Variants in ALAS1 observed in about 807,000 individuals in gnomAD.
ALAS1 encodes the protein 5'-aminolevulinate synthase 1.
In ALAS1, 29 loss-of-function variants were observed where a neutral mutation model predicts 59.6. The ratio of observed to expected loss-of-function variants is 0.49; its 90% CI spans 0.36 to 0.66. The LOEUF (loss-of-function observed/expected upper bound fraction) is 0.66, where lower values mean the gene tolerates loss of function less well. Ranked by LOEUF, ALAS1 falls within the 30% of genes least tolerant of loss-of-function variation. The pLI is 0.00. For missense variants in ALAS1, 690 were observed against 807.5 expected (o/e 0.85, Z 1.76); for synonymous variants, 299 against 296.6 (o/e 1.01, Z -0.08).
In ALAS1 at chr3:52,199,303, A is replaced by G. The variant is rs757222865; in HGVS notation, c.62A>G (p.Lys21Arg). The change falls in exon 3 of 12, where the codon AAA becomes AGA. Residue 21 changes from lysine (K) to arginine (R), a missense_variant. Coordinates refer to ENST00000484952, the MANE Select transcript of ALAS1 (RefSeq NM_000688.6). The stretch of plus-strand genomic sequence containing the variant: ...CGAGTCCCCCAGGCCTTTCTGCAGA[A>G]AGCAGGCAAATCTCTGTTGTTCTAT... ...LSRVPQAFLQ[K>R]AGKSLLFYAQ... 3 of 1,614,206 alleles carry G rather than the reference A, an allele frequency of 1.9e-6. No individual in the cohort carries two copies. Among genetic ancestry groups the G allele is most frequent in the Middle Eastern group, 3.3e-4 (2 of 6,062 alleles).
At chr3:52,208,054 C>T (rs1699330321) in intron 8 of ALAS1, 29 bp from the exon 9 acceptor site, 1 of 1,504,606 alleles carries the variant, frequency 6.6e-7, no homozygotes, top group Non-Finnish European at 8.8e-7. Flanking sequence ...GGCAAAAGCT[C>T]TTCAGAGCAG....
chr3:52,198,278 C>T (rs1193678049), intron 1 of ALAS1, 23 bp downstream of exon 1: 3 of 403,784 alleles, frequency 7.4e-6, no homozygotes, highest in African/African-American at 4.1e-5. Flanking sequence ...GCGGTAGGTG[C>T]GGCGCCGGCC....
intron 7 of ALAS1, 50 bp downstream of exon 7, chr3:52,206,073 A>C (rs766493092): frequency 2.0e-6 from 3 of 1,477,010 alleles, no homozygotes; most frequent in Non-Finnish European, 2.8e-6. Context: ...TTTCTTAGTA[A>C]TAACAAGAAT....
In ALAS1 at chr3:52,205,995, C is replaced by T. The variant is rs754099976; in HGVS notation, c.957C>T (p.Thr319=). 2.5e-6 allele frequency: 4 copies of T among 1,612,354 alleles called. No homozygotes were observed. The highest frequency in any genetic ancestry group is 1.1e-5 in the South Asian group (1 of 90,810). The change falls in exon 7 of 12, where the codon ACC becomes ACT. Residue 319 remains threonine (T), a synonymous_variant. Coordinates refer to ENST00000484952, the MANE Select transcript of ALAS1 (RefSeq NM_000688.6). ...FSSCFVANDS[T]LFTLAKMMPG... is the part of the protein sequence containing the mutation. ...CGTGCTTTGTGGCCAATGACTCAACCCTCTTCACCCTGGCTAAGATGATGC... is the reference window on the plus strand; with the variant it reads ...CGTGCTTTGTGGCCAATGACTCAACTCTCTTCACCCTGGCTAAGATGATGC...
intron 3 of ALAS1, among the ~76,000 whole-genome samples, chr3:52,200,383 G>C (rs1211779413): frequency 6.6e-6 from 1 of 152,036 alleles, no homozygotes; most frequent in Non-Finnish European, 1.5e-5. Flanking sequence ...CTATGAATTT[G>C]ACTATTCTAG....
At chr3:52,206,445 C>A in intron 7 of ALAS1, 127 bp from the exon 8 acceptor site, 1 of 1,078,874 alleles carries the variant, frequency 9.3e-7, no homozygotes. Context: ...AAGAAACTGG[C>A]ACACAGTGTC....
At chr3:52,209,128 A>G (rs2107277946) in intron 9 of ALAS1, among the ~76,000 whole-genome samples, 1 of 152,352 alleles carries the variant, frequency 6.6e-6, no homozygotes, top group Middle Eastern at 3.4e-3. Flanking sequence ...AGACCCAGAA[A>G]GCCTGGGAGT....
rs181637424 is a variant in ALAS1, at chr3:52,208,043, C to T, written c.1166-40C>T. Reference sequence around the variant, plus strand: ...CTAACCAAAACAGAAATTTCTGAAGCGGCAAAAGCTCTTCAGAGCAGTCTC... The same window carrying T: ...CTAACCAAAACAGAAATTTCTGAAGTGGCAAAAGCTCTTCAGAGCAGTCTC... On this transcript the variant is annotated intron_variant, in intron 8 of 11. Transcript: ENST00000484952. 10,436 of 1,468,624 alleles carry T rather than the reference C, an allele frequency of 7.1e-3. 53 individuals carry two copies. The highest frequency in any genetic ancestry group is 8.0e-3 in the Non-Finnish European group (8,828 of 1,110,258). The allele number at this position is 1,468,624 out of a possible 1,614,324, so 91.0% of individuals were successfully genotyped here. A position where few individuals can be genotyped will look rare whatever the true frequency, so the allele number is the denominator to read the frequency against.
In ALAS1 at chr3:52,209,270, C is replaced by T. The variant is rs145807898; in HGVS notation, c.1330+1023C>T. ...TTGCCCAGGCTGGAGTGCAGTGGCG[C>T]GATCTCAGCTCACTGCAAGCTCCAC... On this transcript the variant is annotated intron_variant, in intron 9 of 11. Coordinates refer to ENST00000484952, the MANE Select transcript of ALAS1 (RefSeq NM_000688.6). Among the ~76,000 whole-genome samples, 8 of 152,140 alleles carry T rather than the reference C, an allele frequency of 5.3e-5. 1 individual carries two copies. The highest frequency in any genetic ancestry group is 4.2e-4 in the South Asian group (2 of 4,804).
At position 52,211,460 on chromosome 3, in the gene ALAS1, A is replaced by G. The variant is rs771527342; in HGVS notation, c.1508A>G (p.Gln503Arg). ...KSAEGRVLRR[Q>R]HQRNVKLMRQ... The stretch of plus-strand genomic sequence containing the variant: ...GCTGAGGGACGGGTGCTTCGCCGCC[A>G]GCACCAGCGCAACGTCAAACTCATG... Residue 503 changes from glutamine to arginine, a missense_variant, in exon 10 of 12, where the codon CAG becomes CGG. Physicochemically the swap from Gln to Arg is conservative, Grantham distance 43 (BLOSUM62 1). Coordinates refer to ENST00000484952, the MANE Select transcript of ALAS1 (RefSeq NM_000688.6). 6.2e-7 allele frequency: 1 copy of G among 1,614,244 alleles called. No individual in the cohort carries two copies. Among genetic ancestry groups the G allele is most frequent in the Non-Finnish European group, 8.5e-7 (1 of 1,180,046 alleles).
chr3:52,202,524 G>T lies in ALAS1; in HGVS notation c.217G>T (p.Ala73Ser). The T allele has an allele frequency of 6.2e-7, 1 of 1,613,366 alleles. No individual in the cohort carries two copies. Among genetic ancestry groups the T allele is most frequent in the Non-Finnish European group, 8.5e-7 (1 of 1,179,440 alleles). The part of the protein sequence containing the change: ...PASEKDKTAK[A>S]KVQQTPDGSQ... The stretch of plus-strand genomic sequence containing the variant: ...TCCCTCAGAAGACAAAACTGCTAAG[G>T]CCAAGGTCCAACAGACTCCTGATGG... The change falls in exon 4 of 12, where the codon GCC (alanine) becomes TCC (serine). Residue 73 changes from alanine (A) to serine (S), a missense_variant. Ala to Ser is a moderately conservative substitution (Grantham distance 99). Coordinates refer to ENST00000484952, the MANE Select transcript of ALAS1 (RefSeq NM_000688.6).
At chr3:52,198,368 C>T (rs1046760952) in intron 1 of ALAS1, 113 bp downstream of exon 1, 76 of 419,024 alleles carry the variant, frequency 1.8e-4, no homozygotes, top group Non-Finnish European at 2.9e-4. Context: ...GTCCCAGTCA[C>T]CCGCCGCCTT....
At position 52,202,558 on chromosome 3, in the gene ALAS1, A is replaced by G; in HGVS notation, c.251A>G (p.Gln84Arg). 6.2e-7 allele frequency: 1 copy of G among 1,614,260 alleles called. No individual in the cohort carries two copies. Among genetic ancestry groups the G allele is most frequent in the South Asian group, 1.1e-5 (1 of 91,090 alleles). The part of the protein sequence containing the change: ...KVQQTPDGSQ[Q>R]SPDGTQLPSG... The stretch of plus-strand genomic sequence containing the variant: ...CAACAGACTCCTGATGGATCCCAGC[A>G]GAGTCCAGATGGCACACAGCTTCCG... Residue 84 changes from glutamine to arginine, a missense_variant, in exon 4 of 12, where the codon CAG becomes CGG. Transcript: ENST00000484952.
At chr3:52,198,535 T>C in intron 1 of ALAS1, 137 bp from the exon 2 acceptor site, 1 of 548,168 alleles carries the variant, frequency 1.8e-6, no homozygotes, top group Non-Finnish European at 3.2e-6. Context: ...GGGTCACCTC[T>C]GACCCCCACT....
rs368539225 is a variant in ALAS1, at chr3:52,212,247, A to G, written c.1600-11A>G. 1.2e-6 allele frequency: 2 copies of G among 1,611,782 alleles called. No homozygotes were observed. Among genetic ancestry groups the G allele is most frequent in the Non-Finnish European group, 1.7e-6 (2 of 1,178,770 alleles). ...TGTTGTGACCTTACCTTCTGCTCTC[A>G]TTGAACTTAGGTTGCAGATGCTGCT... On this transcript the variant is annotated splice_polypyrimidine_tract_variant and intron_variant, in intron 10 of 11. Transcript: ENST00000484952.
At chr3:52,205,256 G>A (rs1043395814) in intron 6 of ALAS1, among the ~76,000 whole-genome samples, 7 of 152,104 alleles carry the variant, frequency 4.6e-5, no homozygotes, top group Non-Finnish European at 5.9e-5. Flanking sequence ...GGAGAAATAC[G>A]AATCTAGCAG....
At chr3:52,198,554 A>G (rs1699118054) in intron 1 of ALAS1, 118 bp from the exon 2 acceptor site, 7 of 546,366 alleles carry the variant, frequency 1.3e-5, no homozygotes, top group Middle Eastern at 9.6e-4. Context: ...CTGCCGGAGG[A>G]CTGCCTTCTT....
At chr3:52,207,194 A>G (rs928074327) in intron 8 of ALAS1, among the ~76,000 whole-genome samples, 5 of 151,902 alleles carry the variant, frequency 3.3e-5, no homozygotes, top group East Asian at 1.9e-4. Flanking sequence ...TAGTAGAGAC[A>G]GGGTTTCACC....
intron 6 of ALAS1, 47 bp from the exon 7 acceptor site, chr3:52,205,792 G>A: frequency 6.4e-7 from 1 of 1,551,288 alleles, no homozygotes; most frequent in Non-Finnish European, 8.8e-7. Flanking sequence ...ACATGGTGTT[G>A]AGAACCATGA....
Sources: allele counts gnomAD v4.1 joint callset (sites outside exome capture counted in the v4.1 genomes callset), GRCh38; gene constraint gnomAD v4.1.1; transcripts MANE v1.5; gene names NCBI Gene and HGNC (gene_info 2026-07-23, HGNC 2026-07-21).